The following PDLIM5 variants were observed in gnomAD, a reference collection of about 807,000 sequenced individuals.
PDLIM5 encodes PDZ and LIM domain protein 5.
A neutral mutation model predicts 64.2 loss-of-function variants in PDLIM5; 34 were observed. That is an observed-to-expected ratio of 0.53 (90% CI 0.40 to 0.71). The LOEUF is 0.71. PDLIM5 is among the 30% of genes least tolerant of loss of function. The pLI is 0.00. For missense variants in PDLIM5, 683 were observed against 733.6 expected (o/e 0.93, Z 0.80); for synonymous variants, 253 against 269.1 (o/e 0.94, Z 0.59).
chr4:94,470,603 G>T (rs187911511), intron 2 of PDLIM5, among the ~76,000 whole-genome samples: 8 of 152,258 alleles, frequency 5.3e-5, no homozygotes, highest in South Asian at 2.1e-4. Flanking sequence ...TGGAGGGTGT[G>T]TATAAGTTTT....
chr4:94,482,365 A>G (rs1040778604), intron 2 of PDLIM5, among the ~76,000 whole-genome samples: 1 of 152,080 alleles, frequency 6.6e-6, no homozygotes, highest in Admixed American at 6.6e-5. Context: ...ACCTTTTGAG[A>G]TTAACTAATA....
At chr4:94,516,385 G>A (rs557218706) in intron 2 of PDLIM5, among the ~76,000 whole-genome samples, 1 of 152,252 alleles carries the variant, frequency 6.6e-6, no homozygotes, top group African/African-American at 2.4e-5. Flanking sequence ...GCTCATATGA[G>A]TCAGGATTAC....
intron 7 of PDLIM5, among the ~76,000 whole-genome samples, chr4:94,591,094 G>A (rs761477888): frequency 5.9e-5 from 9 of 152,136 alleles, no homozygotes; most frequent in African/African-American, 9.7e-5. Context: ...CAGAAAATAC[G>A]AAAACACTTT....
chr4:94,606,825 T>A (rs530083970), intron 7 of PDLIM5, among the ~76,000 whole-genome samples: 1 of 152,198 alleles, frequency 6.6e-6, no homozygotes, highest in Non-Finnish European at 1.5e-5. Context: ...CATAGACATA[T>A]GAAGAATGAA....
intron 2 of PDLIM5, among the ~76,000 whole-genome samples, chr4:94,468,367 A>C (rs1483636414): frequency 1.3e-5 from 2 of 152,172 alleles, no homozygotes; most frequent in East Asian, 3.8e-4. Context: ...TTGCCCAGGC[A>C]GGTCTCAAAC....
At position 94,657,714 on chromosome 4, in the gene PDLIM5, T is replaced by G. The variant is rs557961366; in HGVS notation, c.1585+167T>G. On this transcript the variant is annotated intron_variant, in intron 11 of 12. Transcript: ENST00000317968. ...GTAGAAAAAACTATGTAGATTTTTT[T>G]TTTTCTTTTGAGACGGAGTCTCACC... is the stretch of plus-strand genomic sequence containing the variant. Among the ~76,000 whole-genome samples the G allele has an allele frequency of 3.7e-4, 57 of 152,326 alleles. 1 individual carries two copies. Among genetic ancestry groups the G allele is most frequent in the African/African-American group, 1.1e-3 (44 of 41,568 alleles).
At chr4:94,471,738 A>G (rs992398401) in intron 2 of PDLIM5, among the ~76,000 whole-genome samples, 1 of 152,180 alleles carries the variant, frequency 6.6e-6, no homozygotes, top group Non-Finnish European at 1.5e-5. Context: ...AAATATTTGC[A>G]TCATAGGATT....
chr4:94,610,454 G>A (rs1738281584), intron 7 of PDLIM5: 3 of 434,834 alleles, frequency 6.9e-6, no homozygotes, highest in Non-Finnish European at 1.2e-5. Flanking sequence ...CTAGGTTGTG[G>A]ATAAATCTCA....
chr4:94,487,719 G>A (rs1012661227), intron 2 of PDLIM5, among the ~76,000 whole-genome samples: 3 of 152,188 alleles, frequency 2.0e-5, no homozygotes, highest in Non-Finnish European at 4.4e-5. Context: ...TTGACTTTGT[G>A]TAGCACAGAA....
At chr4:94,454,798 A>G (rs142403039) in intron 1 of PDLIM5, among the ~76,000 whole-genome samples, 2,706 of 152,348 alleles carry the variant, frequency 0.018, 32 homozygotes, top group Non-Finnish European at 0.028. Context: ...TCTCTTTCAC[A>G]TGTTAGAGTA....
At chr4:94,538,777 C>G (rs1291121791) in intron 3 of PDLIM5, among the ~76,000 whole-genome samples, 1 of 152,086 alleles carries the variant, frequency 6.6e-6, no homozygotes, top group Non-Finnish European at 1.5e-5. Flanking sequence ...TCTTTAGAGC[C>G]TCAAAATCCC....
chr4:94,527,066 TTTTTTTTTGA>T (rs1233746323), intron 3 of PDLIM5, among the ~76,000 whole-genome samples: 8 of 131,918 alleles, frequency 6.1e-5, no homozygotes, highest in African/African-American at 2.1e-4. Context: ...TTTTTTTTTT[TTTTTTTTTGA>T]GACAGAGTCT....
intron 3 of PDLIM5, among the ~76,000 whole-genome samples, chr4:94,565,707 A>G (rs989538307): frequency 2.0e-5 from 3 of 152,182 alleles, no homozygotes; most frequent in Non-Finnish European, 2.9e-5. Context: ...ATTTCCTGTT[A>G]GTATAGGGAA....
intron 3 of PDLIM5, among the ~76,000 whole-genome samples, chr4:94,568,579 C>A (rs571698054): frequency 2.0e-5 from 3 of 151,070 alleles, no homozygotes; most frequent in African/African-American, 2.4e-5. Flanking sequence ...GATTTTTTTT[C>A]TTTAAAAGAT....
At chr4:94,651,824 A>G (rs1013835933) in intron 9 of PDLIM5, among the ~76,000 whole-genome samples, 7 of 152,316 alleles carry the variant, frequency 4.6e-5, no homozygotes, top group South Asian at 2.1e-4. Context: ...TCCAGCAACA[A>G]CTTGCAGGAA....
intron 2 of PDLIM5, among the ~76,000 whole-genome samples, chr4:94,496,415 G>A (rs1206458509): frequency 6.6e-6 from 1 of 152,178 alleles, no homozygotes; most frequent in Non-Finnish European, 1.5e-5. Context: ...TTTGGGGGCT[G>A]CTTTCGCCAA....
At chr4:94,568,898 T>C (rs1026118666) in intron 3 of PDLIM5, among the ~76,000 whole-genome samples, 3 of 152,222 alleles carry the variant, frequency 2.0e-5, no homozygotes, top group Non-Finnish European at 2.9e-5. Flanking sequence ...CTTTAGAAGA[T>C]TGAGGCTTTG....
chr4:94,577,209 C>T (rs779128158), intron 5 of PDLIM5: 1 of 457,154 alleles, frequency 2.2e-6, no homozygotes, highest in Non-Finnish European at 4.4e-6. Context: ...TTTACCAATG[C>T]CAGTTCCCAG....
intron 3 of PDLIM5, among the ~76,000 whole-genome samples, chr4:94,563,986 C>T (rs1268189429): frequency 8.1e-6 from 1 of 123,302 alleles, no homozygotes; most frequent in Non-Finnish European, 1.6e-5. Context: ...TGTTTTGAGA[C>T]AGAGTCTTAC....
Sources: allele counts gnomAD v4.1 joint callset (sites outside exome capture counted in the v4.1 genomes callset), GRCh38; gene constraint gnomAD v4.1.1; transcripts MANE v1.5; gene names NCBI Gene and HGNC (gene_info 2026-07-23, HGNC 2026-07-21).